SYN3: variants seen among roughly 807,000 people sequenced by gnomAD.
The protein encoded by SYN3 is synapsin-3.
SYN3 carries 35 observed loss-of-function variants against 65.8 expected under a neutral mutation model. The ratio of observed to expected loss-of-function variants is 0.53; its 90% CI spans 0.41 to 0.70. SYN3 has a LOEUF of 0.70. Ranked by LOEUF, SYN3 falls within the 30% of genes least tolerant of loss-of-function variation. SYN3 has a pLI of 0.00. For synonymous variants in SYN3, 270 were observed against 292.9 expected (o/e 0.92, Z 0.80); for missense variants, 680 against 749.0 (o/e 0.91, Z 1.08).
At chr22:32,850,260 A>C (rs1341920098) in intron 6 of SYN3, among the ~76,000 whole-genome samples, 1 of 151,868 alleles carries the variant, frequency 6.6e-6, no homozygotes, top group Non-Finnish European at 1.5e-5. Flanking sequence ...CTCTACTCCT[A>C]AATAGCCTGC....
At chr22:33,032,267 G>A (rs952243871) in intron 1 of SYN3, among the ~76,000 whole-genome samples, 5 of 151,220 alleles carry the variant, frequency 3.3e-5, no homozygotes, top group Non-Finnish European at 1.5e-5. Context: ...CAGCACTTAG[G>A]GAGGCTGAAG....
At chr22:32,679,260 C>G (rs1298841392) in intron 6 of SYN3, among the ~76,000 whole-genome samples, 1 of 151,926 alleles carries the variant, frequency 6.6e-6, no homozygotes, top group African/African-American at 2.4e-5. Context: ...ACCATGTTGG[C>G]CAGGATGGTC....
intron 7 of SYN3, among the ~76,000 whole-genome samples, chr22:32,570,145 C>G (rs1167414583): frequency 6.6e-6 from 1 of 152,158 alleles, no homozygotes; most frequent in Non-Finnish European, 1.5e-5. Context: ...GGTATTTAAC[C>G]AACCTCCCTC....
rs1601579613 is a variant in SYN3, at chr22:32,865,680, C to T, written c.622-676G>A. On this transcript the variant is annotated intron_variant, in intron 5 of 13. Coordinates refer to ENST00000358763, the MANE Select transcript of SYN3 (RefSeq NM_003490.4). ...TCCCACTGCTCTCCTCCTGCTTCAA[C>T]ACTTGCTTGTTTTGCCAGATACTAG... Among the ~76,000 whole-genome samples, 3 of 152,228 alleles carry T rather than the reference C, an allele frequency of 2.0e-5. No homozygotes were observed. The South Asian group carries it at 6.2e-4, about 32-fold the overall frequency.
At chr22:32,580,054 G>A (rs761501812) in intron 7 of SYN3, among the ~76,000 whole-genome samples, 2 of 152,222 alleles carry the variant, frequency 1.3e-5, no homozygotes, top group South Asian at 4.1e-4. Flanking sequence ...AGGGCTTTCC[G>A]CTGTCCAGGG....
At chr22:32,675,309 C>T (rs2060424618) in intron 6 of SYN3, among the ~76,000 whole-genome samples, 1 of 152,182 alleles carries the variant, frequency 6.6e-6, no homozygotes, top group African/African-American at 2.4e-5. Flanking sequence ...AATACCCTCA[C>T]CTAACACAAC....
intron 4 of SYN3, among the ~76,000 whole-genome samples, chr22:32,888,495 C>T (rs866073210): frequency 4.6e-5 from 7 of 152,304 alleles, no homozygotes; most frequent in Middle Eastern, 3.4e-3. Context: ...TCTACAGCCT[C>T]GCTGACAGAT....
intron 1 of SYN3, among the ~76,000 whole-genome samples, chr22:33,053,331 G>T (rs1401966577): frequency 6.6e-6 from 1 of 152,160 alleles, no homozygotes; most frequent in East Asian, 1.9e-4. Flanking sequence ...GCTGAGGCAG[G>T]AGAATCACTT....
chr22:32,767,341 C>T (rs1366947817), intron 6 of SYN3, among the ~76,000 whole-genome samples: 3 of 152,024 alleles, frequency 2.0e-5, no homozygotes, highest in African/African-American at 7.3e-5. Flanking sequence ...TTTCTGCTCC[C>T]ACTACTTTCC....
chr22:32,522,462 G>A (rs547728332), intron 12 of SYN3, among the ~76,000 whole-genome samples: 88 of 152,252 alleles, frequency 5.8e-4, no homozygotes, highest in Non-Finnish European at 9.1e-4. Context: ...CAGGTCCCAG[G>A]GCAGAGGGGA....
At chr22:32,730,723 A>G (rs2061258977) in intron 6 of SYN3, among the ~76,000 whole-genome samples, 1 of 152,186 alleles carries the variant, frequency 6.6e-6, no homozygotes. Context: ...GCAATGCTAA[A>G]TTTGTGATAA....
chr22:32,523,580 T>C (rs1415218223), intron 12 of SYN3, among the ~76,000 whole-genome samples: 1 of 152,176 alleles, frequency 6.6e-6, no homozygotes, highest in Non-Finnish European at 1.5e-5. Flanking sequence ...GTGTTCTGGC[T>C]GCCCCATTTA....
At chr22:32,527,381 C>T (rs1447611054) in intron 12 of SYN3, among the ~76,000 whole-genome samples, 2 of 152,116 alleles carry the variant, frequency 1.3e-5, no homozygotes, top group African/African-American at 4.8e-5. Flanking sequence ...GGGCGGATCA[C>T]CTGAGGTCAG....
At chr22:32,558,971 G>A (rs530334001) in intron 7 of SYN3, among the ~76,000 whole-genome samples, 1 of 152,254 alleles carries the variant, frequency 6.6e-6, no homozygotes, top group Non-Finnish European at 1.5e-5. Context: ...AATGATGACA[G>A]TGATTGTAAT....
At chr22:32,578,249 C>T (rs1057435143) in intron 7 of SYN3, among the ~76,000 whole-genome samples, 14 of 150,236 alleles carry the variant, frequency 9.3e-5, no homozygotes, top group Admixed American at 8.0e-4. Flanking sequence ...CTTTCTCTCT[C>T]TCTCCCTCTC....
intron 6 of SYN3, among the ~76,000 whole-genome samples, chr22:32,669,426 G>A (rs1298816957): frequency 6.6e-6 from 1 of 151,176 alleles, no homozygotes; most frequent in Non-Finnish European, 1.5e-5. Flanking sequence ...ACCTCCAAGT[G>A]AGGCTCATTT....
chr22:32,908,941 T>C (rs1015144300), intron 4 of SYN3, among the ~76,000 whole-genome samples: 4 of 152,172 alleles, frequency 2.6e-5, no homozygotes, highest in African/African-American at 9.7e-5. Flanking sequence ...ATCATAGCAA[T>C]GAGACCCCAA....
chr22:33,033,642 T>C, intron 1 of SYN3, among the ~76,000 whole-genome samples: 1 of 152,072 alleles, frequency 6.6e-6, no homozygotes, highest in Non-Finnish European at 1.5e-5. Flanking sequence ...GCCAATGTCT[T>C]GGGGGACTCT....
chr22:32,660,945 G>A (rs761260120), intron 6 of SYN3, among the ~76,000 whole-genome samples: 26 of 152,208 alleles, frequency 1.7e-4, no homozygotes, highest in Admixed American at 3.9e-4. Context: ...TGAGAGTGCC[G>A]TTCAAGGTTC....
Sources: gnomAD v4.1 joint callset for allele counts (sites outside exome capture counted in the v4.1 genomes callset) on GRCh38, gnomAD v4.1.1 for gene constraint, MANE v1.5 for transcripts, NCBI Gene and HGNC (gene_info 2026-07-23, HGNC 2026-07-21) for gene names.